HDAC9: variants seen among roughly 807,000 people sequenced by gnomAD.
The protein encoded by HDAC9 is MEF-2 interacting transcription repressor (MITR) protein.
A neutral mutation model predicts 139.4 loss-of-function variants in HDAC9; 41 were observed. That is an observed-to-expected ratio of 0.29 (90% CI 0.23 to 0.38). HDAC9 has a LOEUF of 0.38. Ranked by LOEUF, HDAC9 falls within the 10% of genes least tolerant of loss-of-function variation. The pLI is 1.00. For synonymous variants in HDAC9, 517 were observed against 476.2 expected, an observed-to-expected ratio of 1.09 and a Z score of -1.12; for missense variants, 1,147 against 1,297.0, an observed-to-expected ratio of 0.88 and a Z score of 1.78.
At chr7:18,404,568 T>C (rs567428732) in intron 1 of HDAC9, among the ~76,000 whole-genome samples, 1 of 152,244 alleles carries the variant, frequency 6.6e-6, no homozygotes, top group Non-Finnish European at 1.5e-5. Context: ...CTTCACTTTG[T>C]ATTCTTGAAA....
intron 16 of HDAC9, among the ~76,000 whole-genome samples, chr7:18,775,588 C>T (rs914168716): frequency 1.3e-5 from 2 of 152,004 alleles, no homozygotes; most frequent in Non-Finnish European, 2.9e-5. Context: ...AATTTACCAT[C>T]CATTCATTCA....
At chr7:18,637,113 G>C (rs1335118301) in intron 8 of HDAC9, among the ~76,000 whole-genome samples, 1 of 151,960 alleles carries the variant, frequency 6.6e-6, no homozygotes, top group Non-Finnish European at 1.5e-5. Context: ...GATTTTATTA[G>C]GTTCAGAAAT....
At chr7:18,192,805 G>A (rs143255298) in intron 2 of HDAC9, among the ~76,000 whole-genome samples, 1,648 of 152,270 alleles carry the variant, frequency 0.011, 12 homozygotes, top group South Asian at 0.027. Flanking sequence ...GTTAATTTAT[G>A]AGACTGCATG....
At chr7:18,631,676 T>G (rs567852724) in intron 7 of HDAC9, among the ~76,000 whole-genome samples, 1 of 152,064 alleles carries the variant, frequency 6.6e-6, no homozygotes, top group Non-Finnish European at 1.5e-5. Flanking sequence ...TTTTTCAAAT[T>G]CAAGTATTTT....
chr7:18,179,613 A>G (rs1057432541), intron 2 of HDAC9, among the ~76,000 whole-genome samples: 2 of 152,218 alleles, frequency 1.3e-5, no homozygotes, highest in South Asian at 4.1e-4. Context: ...GGGTCTAAAT[A>G]AACCCAAACG....
rs1428454329 is a variant in HDAC9 at position 18,759,322 on chromosome 7, G to C, written c.2044-2835G>C. 3.3e-5 allele frequency among the ~76,000 whole-genome samples: 5 copies of C among 152,092 alleles called. No homozygotes were observed. In the South Asian group the frequency reaches 8.3e-4, roughly 25 times the overall value. On this transcript the variant is annotated intron_variant, in intron 14 of 25. Transcript: ENST00000686413. ...CAGGTGAGTGAGTGAAGCTTCATCT[G>C]TATTTTCAGCTGCTCCCTGTTGCTT...
chr7:18,410,913 T>C (rs1217040508), intron 1 of HDAC9, among the ~76,000 whole-genome samples: 1 of 152,218 alleles, frequency 6.6e-6, no homozygotes, highest in East Asian at 1.9e-4. Context: ...AGAAGCAAGC[T>C]CAATGTTATA....
At chr7:18,849,260 TCTC>T (rs1195941424) in intron 21 of HDAC9, among the ~76,000 whole-genome samples, 1 of 152,164 alleles carries the variant, frequency 6.6e-6, no homozygotes, top group Non-Finnish European at 1.5e-5. Flanking sequence ...CGGACTGTCT[TCTC>T]CTTTTTCCAC....
intron 1 of HDAC9, among the ~76,000 whole-genome samples, chr7:18,346,990 A>C (rs1217480492): frequency 6.6e-6 from 1 of 152,182 alleles, no homozygotes; most frequent in Non-Finnish European, 1.5e-5. Context: ...CACAAAGGAA[A>C]TAAGACATCT....
chr7:18,482,577 G>T (rs933139396), intron 1 of HDAC9, among the ~76,000 whole-genome samples: 2 of 151,884 alleles, frequency 1.3e-5, no homozygotes. Flanking sequence ...ATTACAGAAG[G>T]ATAGAAAATT....
At chr7:18,401,115 C>T (rs1433044383) in intron 1 of HDAC9, among the ~76,000 whole-genome samples, 1 of 152,094 alleles carries the variant, frequency 6.6e-6, no homozygotes, top group African/African-American at 2.4e-5. Flanking sequence ...TTGGTCATGG[C>T]ATGTCAAAGG....
At chr7:18,539,262 C>G (rs937281875) in intron 2 of HDAC9, among the ~76,000 whole-genome samples, 1 of 152,054 alleles carries the variant, frequency 6.6e-6, no homozygotes, top group Non-Finnish European at 1.5e-5. Flanking sequence ...GTTGTTTTTC[C>G]CCCAAATTTA....
In HDAC9 at chr7:18,359,630, A is replaced by G. The variant is rs139945316; in HGVS notation, c.-42+69115A>G. On this transcript the variant is annotated intron_variant, in intron 1 of 3. Transcript: ENST00000413509. ...TGCTTTGGTGATTTTTTTTGTTGAG[A>G]TGGAATCTCATTCTGTCACCCAGGC... Among the ~76,000 whole-genome samples, 336 of 152,164 alleles carry G rather than the reference A, an allele frequency of 2.2e-3. 1 individual carries two copies. Among genetic ancestry groups the G allele is most frequent in the African/African-American group, 7.8e-3 (324 of 41,520 alleles).
chr7:18,582,337 C>T (rs1178105753), intron 2 of HDAC9, among the ~76,000 whole-genome samples: 1 of 152,084 alleles, frequency 6.6e-6, no homozygotes, highest in Non-Finnish European at 1.5e-5. Context: ...CTCTACATCA[C>T]CAGTCATTGC....
intron 2 of HDAC9, among the ~76,000 whole-genome samples, chr7:18,177,076 A>G (rs1055123393): frequency 8.5e-5 from 13 of 152,190 alleles, no homozygotes; most frequent in African/African-American, 2.9e-4. Context: ...TGTTGGGAGA[A>G]CTGATAATCC....
chr7:18,343,707 C>T (rs1782187790), intron 1 of HDAC9, among the ~76,000 whole-genome samples: 1 of 151,846 alleles, frequency 6.6e-6, no homozygotes, highest in African/African-American at 2.4e-5. Context: ...GCCTTCTCTA[C>T]TTTTCTTGGA....
chr7:18,223,053 C>T (rs1053669967), intron 2 of HDAC9, among the ~76,000 whole-genome samples: 30 of 151,992 alleles, frequency 2.0e-4, no homozygotes, highest in African/African-American at 7.0e-4. Context: ...TTTTGCCAGT[C>T]AGGTGAGAAA....
At chr7:18,759,763 G>A (rs192847474) in intron 14 of HDAC9, among the ~76,000 whole-genome samples, 6 of 152,164 alleles carry the variant, frequency 3.9e-5, no homozygotes, top group African/African-American at 1.2e-4. Flanking sequence ...AGTGAATCTC[G>A]TTAGCAGATG....
At chr7:18,378,281 A>G (rs945558582) in intron 1 of HDAC9, among the ~76,000 whole-genome samples, 15 of 152,188 alleles carry the variant, frequency 9.9e-5, no homozygotes, top group Non-Finnish European at 2.2e-4. Flanking sequence ...TAGTACAAAC[A>G]AATACCACAG....
Sources: gnomAD v4.1 joint callset for allele counts (sites outside exome capture counted in the v4.1 genomes callset) on GRCh38, gnomAD v4.1.1 for gene constraint, MANE v1.5 for transcripts, NCBI Gene and HGNC (gene_info 2026-07-23, HGNC 2026-07-21) for gene names.